ARHGAP10: variants seen among roughly 807,000 people sequenced by gnomAD.
ARHGAP10 encodes Rho GTPase activating protein 10, also known as rho GTPase-activating protein 10.
In ARHGAP10, 87 loss-of-function variants were observed where a neutral mutation model predicts 108.6. The ratio of observed to expected loss-of-function variants is 0.80; its 90% CI spans 0.67 to 0.96. ARHGAP10 has a LOEUF of 0.96. ARHGAP10 is among the 40% of genes least tolerant of loss of function. The probability of loss-of-function intolerance (pLI) is 0.00; values close to 1 mark genes in which losing one functional copy is unlikely to be tolerated. For synonymous variants in ARHGAP10, 347 were observed against 341.1 expected, an observed-to-expected ratio of 1.02 and a Z score of -0.19; for missense variants, 939 against 954.5, an observed-to-expected ratio of 0.98 and a Z score of 0.21.
rs868345429 is a variant in ARHGAP10, at chr4:148,001,479, C to A, written c.1717-21784C>A. 4.6e-5 allele frequency among the ~76,000 whole-genome samples: 7 copies of A among 152,250 alleles called. 2 individuals carry two copies. Among genetic ancestry groups the A allele is most frequent in the African/African-American group, 1.7e-4 (7 of 41,516 alleles). On this transcript the variant is annotated intron_variant, in intron 18 of 22. Transcript: ENST00000336498. The stretch of plus-strand genomic sequence containing the variant: ...GTCATTGGTAGCTTGATGGGGATGG[C>A]ATTGAATCTATAAATTACCTTGGGT...
At chr4:147,892,746 C>A (rs960571061) in intron 10 of ARHGAP10, among the ~76,000 whole-genome samples, 1 of 152,186 alleles carries the variant, frequency 6.6e-6, no homozygotes, top group Admixed American at 6.5e-5. Flanking sequence ...TGAGATAATC[C>A]TTTAAATCAG....
chr4:147,910,226 T>C (rs973971569), intron 12 of ARHGAP10, among the ~76,000 whole-genome samples: 3 of 152,116 alleles, frequency 2.0e-5, no homozygotes, highest in Non-Finnish European at 4.4e-5. Flanking sequence ...TCTTGCTATG[T>C]TGTCCAGGCT....
At chr4:147,992,146 T>C (rs1314805856) in intron 18 of ARHGAP10, among the ~76,000 whole-genome samples, 1 of 152,204 alleles carries the variant, frequency 6.6e-6, no homozygotes, top group African/African-American at 2.4e-5. Context: ...AGTTGGTTGA[T>C]TTCTCTTTGA....
At chr4:147,884,285 A>G (rs1190311977) in intron 10 of ARHGAP10, among the ~76,000 whole-genome samples, 1 of 152,150 alleles carries the variant, frequency 6.6e-6, no homozygotes, top group Non-Finnish European at 1.5e-5. Flanking sequence ...CCTCAAAGAC[A>G]TTGATGAGGG....
intron 20 of ARHGAP10, among the ~76,000 whole-genome samples, chr4:148,048,926 G>C (rs868189596): frequency 3.3e-5 from 5 of 151,872 alleles, no homozygotes; most frequent in African/African-American, 9.7e-5. Flanking sequence ...AAGGGGGTTG[G>C]GGGGAGTAGT....
At chr4:147,738,558 C>A (rs9994150) in intron 1 of ARHGAP10, among the ~76,000 whole-genome samples, 16 of 151,054 alleles carry the variant, frequency 1.1e-4, no homozygotes, top group African/African-American at 3.2e-4. Context: ...GTCTCCCCCC[C>A]CCAAAAAAAA....
intron 1 of ARHGAP10, among the ~76,000 whole-genome samples, chr4:147,811,091 C>G (rs1239506317): frequency 6.6e-6 from 1 of 152,192 alleles, no homozygotes; most frequent in East Asian, 1.9e-4. Context: ...TCAAGCCTGG[C>G]TTCCTCTTCA....
intron 8 of ARHGAP10, among the ~76,000 whole-genome samples, chr4:147,878,640 A>G (rs1413474154): frequency 6.6e-6 from 1 of 152,262 alleles, no homozygotes; most frequent in African/African-American, 2.4e-5. Context: ...AGAGCTTACA[A>G]TTAAGAGATT....
intron 1 of ARHGAP10, among the ~76,000 whole-genome samples, chr4:147,772,488 T>C (rs933459062): frequency 1.3e-5 from 2 of 152,234 alleles, no homozygotes; most frequent in Non-Finnish European, 2.9e-5. Flanking sequence ...AAAATGAGTA[T>C]AGGCTTATTG....
chr4:147,965,529 C>T (rs1018976830), intron 17 of ARHGAP10, among the ~76,000 whole-genome samples: 18 of 152,292 alleles, frequency 1.2e-4, no homozygotes, highest in African/African-American at 4.1e-4. Flanking sequence ...CCCTTTTCCT[C>T]CTCCTTTTAA....
intron 1 of ARHGAP10, among the ~76,000 whole-genome samples, chr4:147,776,797 G>A (rs777660949): frequency 2.0e-4 from 30 of 152,306 alleles, no homozygotes; most frequent in African/African-American, 3.4e-4. Flanking sequence ...GACTTGTATC[G>A]CAGCATGGAC....
At chr4:147,784,042 A>T (rs1287836516) in intron 1 of ARHGAP10, among the ~76,000 whole-genome samples, 3 of 143,298 alleles carry the variant, frequency 2.1e-5, no homozygotes, top group Non-Finnish European at 4.5e-5. Flanking sequence ...ATTAAATTAT[A>T]TATTATATAT....
chr4:147,876,166 C>A (rs529361041), intron 8 of ARHGAP10, among the ~76,000 whole-genome samples: 1 of 152,274 alleles, frequency 6.6e-6, no homozygotes, highest in East Asian at 1.9e-4. Context: ...TCCATTTGCC[C>A]TTATTTAATC....
intron 20 of ARHGAP10, among the ~76,000 whole-genome samples, chr4:148,049,131 T>A (rs1729014867): frequency 6.6e-6 from 1 of 152,180 alleles, no homozygotes; most frequent in African/African-American, 2.4e-5. Flanking sequence ...TTTGTCATTA[T>A]GTTAGGAAGT....
chr4:148,063,826 G>A (rs1425246829), intron 21 of ARHGAP10, among the ~76,000 whole-genome samples: 1 of 152,226 alleles, frequency 6.6e-6, no homozygotes, highest in Non-Finnish European at 1.5e-5. Context: ...CATGGTTTCC[G>A]TCCTTTCCAT....
chr4:147,760,584 C>T (rs933206068), intron 1 of ARHGAP10, among the ~76,000 whole-genome samples: 2 of 152,162 alleles, frequency 1.3e-5, no homozygotes, highest in Non-Finnish European at 2.9e-5. Context: ...CAAGTCCATA[C>T]CTGGTGTTCT....
intron 19 of ARHGAP10, among the ~76,000 whole-genome samples, chr4:148,046,193 A>C (rs1372171687): frequency 6.6e-6 from 1 of 152,230 alleles, no homozygotes; most frequent in African/African-American, 2.4e-5. Flanking sequence ...ACCCAAGCCC[A>C]CAATGTATAC....
intron 22 of ARHGAP10, among the ~76,000 whole-genome samples, chr4:148,067,156 G>A (rs527695247): frequency 1.3e-5 from 2 of 152,366 alleles, no homozygotes; most frequent in Admixed American, 6.5e-5. Flanking sequence ...TCTTGTAGGT[G>A]CCGCCCTGAT....
intron 10 of ARHGAP10, among the ~76,000 whole-genome samples, chr4:147,886,632 C>A (rs934429883): frequency 2.6e-5 from 4 of 152,188 alleles, no homozygotes; most frequent in African/African-American, 9.7e-5. Flanking sequence ...TGCACAATCC[C>A]AACTTAAGAT....
Sources: allele counts gnomAD v4.1 joint callset (sites outside exome capture counted in the v4.1 genomes callset), GRCh38; gene constraint gnomAD v4.1.1; transcripts MANE v1.5; gene names NCBI Gene and HGNC (gene_info 2026-07-23, HGNC 2026-07-21).